The following IL19 variants were observed in gnomAD, a reference collection of about 807,000 sequenced individuals.
IL19 encodes the protein interleukin 19, also known as interleukin-19.
In IL19, 15 loss-of-function variants were observed where a neutral mutation model predicts 19.5. That is an observed-to-expected ratio of 0.77 (90% CI 0.52 to 1.19). The LOEUF is 1.19. IL19 is among the 50% of genes most tolerant of loss of function. The probability of loss-of-function intolerance (pLI) is 0.00; values close to 1 mark genes in which losing one functional copy is unlikely to be tolerated. For synonymous variants in IL19, 78 were observed against 78.3 expected (o/e 1.00, Z 0.02); for missense variants, 199 against 213.1 (o/e 0.93, Z 0.41).
intron 2 of IL19, among the ~76,000 whole-genome samples, chr1:206,808,032 C>T (rs1436013171): frequency 6.6e-6 from 1 of 152,088 alleles, no homozygotes; most frequent in Non-Finnish European, 1.5e-5. Context: ...TAATTTGGTG[C>T]CATAAAAATT....
At chr1:206,772,529 A>G (rs1319939540) in intron 1 of IL19, 2 of 1,188,948 alleles carry the variant, frequency 1.7e-6, no homozygotes, top group Non-Finnish European at 2.5e-6. Context: ...TTTATATTGT[A>G]AGCTCAGGGA....
chr1:206,842,491 A>G, intron 6 of IL19, 36 bp from the exon 7 acceptor site: 1 of 1,266,538 alleles, frequency 7.9e-7, no homozygotes, highest in Non-Finnish European at 1.1e-6. Flanking sequence ...TACACAGTCT[A>G]GAAAGGTGGG....
intron 1 of IL19, among the ~76,000 whole-genome samples, chr1:206,777,094 G>A (rs1179032337): frequency 3.3e-5 from 5 of 151,944 alleles, no homozygotes; most frequent in Middle Eastern, 3.4e-3. Flanking sequence ...AGCTGGGCGT[G>A]GTGGCAGGTG....
chr1:206,837,680 C>T (rs556494482), intron 4 of IL19, among the ~76,000 whole-genome samples: 6 of 152,192 alleles, frequency 3.9e-5, no homozygotes, highest in Middle Eastern at 3.4e-3. Context: ...ATGACCTCGT[C>T]TCTACAAAAC....
chr1:206,824,382 A>G (rs1219822140), intron 2 of IL19, among the ~76,000 whole-genome samples: 2 of 152,230 alleles, frequency 1.3e-5, no homozygotes, highest in African/African-American at 4.8e-5. Flanking sequence ...CCTGGAGATC[A>G]TAAAGTGATG....
chr1:206,842,689 C>T lies in IL19; in HGVS notation c.*67C>T. On this transcript the variant is annotated 3_prime_UTR_variant, in exon 7 of 7. Transcript: ENST00000659997. ...TGTGCGGTTTACTGTGGGAGACAGCCCACCTTGAAGGGGAAGGAGATGGGG... is the reference window on the plus strand; with the variant it reads ...TGTGCGGTTTACTGTGGGAGACAGCTCACCTTGAAGGGGAAGGAGATGGGG... The T allele has an allele frequency of 2.1e-6, 2 of 965,032 alleles. No homozygotes were observed. Among genetic ancestry groups the T allele is most frequent in the Middle Eastern group, 2.1e-4 (1 of 4,820 alleles). The allele number at this position is 965,032 out of a possible 1,614,324, so 59.8% of individuals were successfully genotyped here.
rs72756995 is a variant in IL19 at position 206,837,309 on chromosome 1, C to T, written c.210+286C>T. On this transcript the variant is annotated intron_variant, in intron 4 of 6. Coordinates refer to ENST00000659997, the MANE Select transcript of IL19 (RefSeq NM_153758.5). ...GGCTTGGGGGTAATTTTGGAAGGTCCCATGGAGGTAGCTAAGAAAACAAAC... is the reference window on the plus strand; with the variant it reads ...GGCTTGGGGGTAATTTTGGAAGGTCTCATGGAGGTAGCTAAGAAAACAAAC... 7.9e-5 allele frequency among the ~76,000 whole-genome samples: 12 copies of T among 152,024 alleles called. No individual in the cohort carries two copies. The East Asian group carries it at 1.7e-3, about 22-fold the overall frequency.
intron 2 of IL19, among the ~76,000 whole-genome samples, chr1:206,825,923 T>C (rs1676425072): frequency 6.6e-6 from 1 of 152,184 alleles, no homozygotes; most frequent in Non-Finnish European, 1.5e-5. Context: ...TCCCTGCCCT[T>C]GTGGAGTCTA....
At chr1:206,787,473 T>A (rs921297662) in intron 1 of IL19, among the ~76,000 whole-genome samples, 1 of 152,214 alleles carries the variant, frequency 6.6e-6, no homozygotes, top group Non-Finnish European at 1.5e-5. Flanking sequence ...GGAGATGCAG[T>A]CTAGCTTGGT....
chr1:206,777,045 C>T (rs1356402793), intron 1 of IL19, among the ~76,000 whole-genome samples: 2 of 151,430 alleles, frequency 1.3e-5, no homozygotes, highest in African/African-American at 4.9e-5. Context: ...CCCTGGCTAA[C>T]ACGGTGAAAC....
intron 1 of IL19, among the ~76,000 whole-genome samples, chr1:206,788,526 C>CT (rs34357557): frequency 0.82 from 122,122 of 149,706 alleles, 49,888 homozygotes; most frequent in East Asian, 0.91. Flanking sequence ...TAATAATTAA[C>CT]TTTTTTTTTT....
At chr1:206,812,455 T>C (rs1210297967) in intron 2 of IL19, among the ~76,000 whole-genome samples, 23 of 152,122 alleles carry the variant, frequency 1.5e-4, no homozygotes, top group Admixed American at 1.5e-3. Flanking sequence ...AAGAAGAAGG[T>C]TACTCTATGA....
rs372374877 is a variant in IL19 at position 206,836,805 on chromosome 1, T to C, written c.143T>C (p.Ile48Thr). 2.7e-5 allele frequency: 43 copies of C among 1,613,998 alleles called. No homozygotes were observed. The highest frequency in any genetic ancestry group is 3.6e-5 in the Non-Finnish European group (42 of 1,180,006). The change falls in exon 3 of 7, where the codon ATC becomes ACC. Residue 48 changes from isoleucine (I) to threonine (T), a missense_variant and splice_region_variant. Ile to Thr is a moderately conservative substitution (Grantham distance 89). Transcript: ENST00000659997. ...AGTTTCCAAGAAATCAAAAGAGCCA[T>C]CGTGAGTATGGGTTGGTGTAAAGGT... is the stretch of plus-strand genomic sequence containing the variant. The part of the protein sequence containing the change: ...EESFQEIKRA[I>T]QAKDTFPNVT...
chr1:206,771,155 G>A (rs914866462), intron 1 of IL19, 77 bp downstream of exon 1: 55 of 1,401,702 alleles, frequency 3.9e-5, no homozygotes, highest in South Asian at 5.8e-5. Context: ...TGGTTCTAGC[G>A]ATCCTCCTTC....
chr1:206,840,073 C>G (rs755002662), intron 5 of IL19, 71 bp downstream of exon 5: 2 of 1,522,260 alleles, frequency 1.3e-6, no homozygotes, highest in East Asian at 2.2e-5. Context: ...AGTGCTGGCC[C>G]CCATCGGCCT....
chr1:206,828,229 T>A (rs184291051), intron 2 of IL19, among the ~76,000 whole-genome samples: 2 of 40,290 alleles, frequency 5.0e-5, no homozygotes, highest in African/African-American at 1.6e-4. Flanking sequence ...ATGTCCCAAG[T>A]ACAGCCCACT....
intron 2 of IL19, among the ~76,000 whole-genome samples, chr1:206,827,710 CA>C (rs528463884): frequency 0.042 from 202 of 4,788 alleles, 1 homozygote; most frequent in East Asian, 0.17. Context: ...CAAAACAAAA[CA>C]AAAAAAACAA....
At chr1:206,783,927 A>G (rs1675205826) in intron 1 of IL19, among the ~76,000 whole-genome samples, 2 of 152,182 alleles carry the variant, frequency 1.3e-5, no homozygotes, top group African/African-American at 4.8e-5. Flanking sequence ...TTGGATGAAT[A>G]CTTGACATAC....
At chr1:206,791,212 C>G (rs1290041129) in intron 1 of IL19, among the ~76,000 whole-genome samples, 1 of 151,656 alleles carries the variant, frequency 6.6e-6, no homozygotes, top group Non-Finnish European at 1.5e-5. Flanking sequence ...ACAGAGAGGA[C>G]TAATTGGAAA....
Sources: gnomAD v4.1 joint callset for allele counts (sites outside exome capture counted in the v4.1 genomes callset) on GRCh38, gnomAD v4.1.1 for gene constraint, MANE v1.5 for transcripts, NCBI Gene and HGNC (gene_info 2026-07-23, HGNC 2026-07-21) for gene names.